Variants in EXD1 observed in about 807,000 individuals in gnomAD.
EXD1 encodes exonuclease 3'-5' domain containing 1.
Under a neutral mutation model 49.1 loss-of-function variants are expected in EXD1, and 63 were observed. That is an observed-to-expected ratio of 1.28 (90% CI 1.05 to 1.58). The LOEUF (loss-of-function observed/expected upper bound fraction) is 1.58, where lower values mean the gene tolerates loss of function less well. Ranked by LOEUF, EXD1 falls within the 40% of genes most tolerant of loss-of-function variation. The pLI, the probability that EXD1 is intolerant of heterozygous loss-of-function variation, is 0.00. For missense variants in EXD1, 748 were observed against 666.0 expected, an observed-to-expected ratio of 1.12 and a Z score of -1.36; for synonymous variants, 234 against 239.2, an observed-to-expected ratio of 0.98 and a Z score of 0.20.
chr15:41,206,392 C>T (rs1468104361), intron 7 of EXD1, among the ~76,000 whole-genome samples: 2 of 149,728 alleles, frequency 1.3e-5, no homozygotes, highest in African/African-American at 4.9e-5. Flanking sequence ...ATACCTTGAA[C>T]CTGAGAGGCA....
At chr15:41,209,786 T>TC (rs2046893715) in intron 6 of EXD1, among the ~76,000 whole-genome samples, 199 bp from the exon 7 acceptor site, 1 of 151,856 alleles carries the variant, frequency 6.6e-6, no homozygotes, top group Non-Finnish European at 1.5e-5. Flanking sequence ...TTCTTTTTTT[T>TC]TGTTTTAGCA....
intron 4 of EXD1, 32 bp from the exon 5 acceptor site, chr15:41,216,827 C>T: frequency 6.2e-7 from 1 of 1,609,598 alleles, no homozygotes; most frequent in Non-Finnish European, 8.5e-7. Context: ...TTTGGGTGAA[C>T]TTGTTCTTTG....
At chr15:41,229,488 G>A (rs2047206420) in intron 1 of EXD1, among the ~76,000 whole-genome samples, 1 of 152,064 alleles carries the variant, frequency 6.6e-6, no homozygotes, top group Non-Finnish European at 1.5e-5. Flanking sequence ...AACAAAACAA[G>A]CCAGGTGCGG....
In EXD1 at chr15:41,206,573, A is replaced by G. The variant is rs576426416; in HGVS notation, c.534+2928T>C. The stretch of plus-strand genomic sequence containing the variant: ...CCTAATGTTTGTCAAAGTATTTTGT[A>G]AACTGTAAAGTACTGCACAAATATA... On this transcript the variant is annotated intron_variant, in intron 7 of 11. Transcript: ENST00000458580. 4.6e-5 allele frequency among the ~76,000 whole-genome samples: 7 copies of G among 151,312 alleles called. No individual in the cohort carries two copies. The South Asian group carries it at 6.3e-4, about 14-fold the overall frequency.
At chr15:41,221,353 C>T (rs1259926252) in intron 2 of EXD1, among the ~76,000 whole-genome samples, 1 of 152,134 alleles carries the variant, frequency 6.6e-6, no homozygotes, top group Admixed American at 6.5e-5. Context: ...CTCACTGCAG[C>T]CTTGAACACC....
chr15:41,230,083 T>C (rs1419095035), intron 1 of EXD1, among the ~76,000 whole-genome samples: 1 of 50,512 alleles, frequency 2.0e-5, no homozygotes, highest in Admixed American at 1.5e-4. Flanking sequence ...GGCTTTTACC[T>C]TTTTTTTTTT....
intron 6 of EXD1, among the ~76,000 whole-genome samples, chr15:41,210,619 G>A (rs974491281): frequency 6.6e-6 from 1 of 151,994 alleles, no homozygotes; most frequent in Non-Finnish European, 1.5e-5. Context: ...GAGCCTGGGA[G>A]GCTGAGGCTG....
intron 3 of EXD1, among the ~76,000 whole-genome samples, chr15:41,218,237 C>A (rs993710905): frequency 3.9e-5 from 6 of 152,096 alleles, no homozygotes; most frequent in African/African-American, 1.4e-4. Flanking sequence ...GTAATCCCAG[C>A]ACTTTGGGAG....
intron 6 of EXD1, among the ~76,000 whole-genome samples, chr15:41,210,386 T>G (rs2046903947): frequency 6.6e-6 from 1 of 152,158 alleles, no homozygotes; most frequent in Admixed American, 6.6e-5. Flanking sequence ...TCGGATTCAC[T>G]GAATTACTCA....
chr15:41,229,518 C>T (rs2047206974), intron 1 of EXD1, among the ~76,000 whole-genome samples: 1 of 152,152 alleles, frequency 6.6e-6, no homozygotes, highest in African/African-American at 2.4e-5. Flanking sequence ...CCTGTAATCA[C>T]AGCACTTTGG....
intron 7 of EXD1, among the ~76,000 whole-genome samples, chr15:41,201,980 C>G (rs1403249521): frequency 6.6e-6 from 1 of 151,756 alleles, no homozygotes; most frequent in East Asian, 1.9e-4. Context: ...AAGCAAGACC[C>G]CTGTCTGTAC....
At chr15:41,191,255 A>G (rs2046509772) in intron 10 of EXD1, among the ~76,000 whole-genome samples, 187 bp downstream of exon 10, 1 of 152,156 alleles carries the variant, frequency 6.6e-6, no homozygotes, top group Admixed American at 6.6e-5. Flanking sequence ...ATAGCTAACA[A>G]ATCTGGATCC....
chr15:41,199,612 TATATATTG>T (rs2046674537), intron 7 of EXD1, among the ~76,000 whole-genome samples: 1 of 143,484 alleles, frequency 7.0e-6, no homozygotes, highest in East Asian at 2.0e-4. Context: ...TTATATATTA[TATATATTG>T]TGTTAGGTGT....
intron 6 of EXD1, among the ~76,000 whole-genome samples, chr15:41,214,981 G>A (rs1306578150): frequency 6.6e-6 from 1 of 151,974 alleles, no homozygotes; most frequent in Non-Finnish European, 1.5e-5. Context: ...TCCTGACCTC[G>A]TGATCCACCC....
chr15:41,210,193 GT>G (rs1209767311), intron 6 of EXD1, among the ~76,000 whole-genome samples: 2 of 152,156 alleles, frequency 1.3e-5, no homozygotes, highest in Admixed American at 6.6e-5. Flanking sequence ...GGGATTACAG[GT>G]GTGAGCTACC....
At chr15:41,209,032 C>T (rs550906722) in intron 7 of EXD1, among the ~76,000 whole-genome samples, 14 of 151,860 alleles carry the variant, frequency 9.2e-5, no homozygotes, top group African/African-American at 3.4e-4. Context: ...GAAGCTCTCT[C>T]CTTTTGAAAA....
At chr15:41,199,802 TTA>T (rs963907015) in intron 7 of EXD1, among the ~76,000 whole-genome samples, 25 of 43,822 alleles carry the variant, frequency 5.7e-4, no homozygotes, top group Admixed American at 7.9e-4. Context: ...GTCATATATA[TTA>T]TATATGTCAT....
chr15:41,218,259 T>C (rs78514655), intron 3 of EXD1, among the ~76,000 whole-genome samples: 24,491 of 150,278 alleles, frequency 0.16, 3,642 homozygotes, highest in African/African-American at 0.4. Context: ...GTGAGGGGGG[T>C]GAATCATTTG....
chr15:41,214,197 T>C (rs557066827), intron 6 of EXD1, among the ~76,000 whole-genome samples: 2 of 151,988 alleles, frequency 1.3e-5, no homozygotes, highest in African/African-American at 2.4e-5. Context: ...AACCTTTTGA[T>C]AGCTAACTGT....
Sources: allele counts gnomAD v4.1 joint callset (sites outside exome capture counted in the v4.1 genomes callset), GRCh38; gene constraint gnomAD v4.1.1; transcripts MANE v1.5; gene names NCBI Gene and HGNC (gene_info 2026-07-23, HGNC 2026-07-21).